UBE2R2: variants seen among roughly 807,000 people sequenced by gnomAD.
UBE2R2 encodes ubiquitin-conjugating enzyme E2 R2.
Under a neutral mutation model 27.8 loss-of-function variants are expected in UBE2R2, and 1 was observed. The ratio of observed to expected loss-of-function variants is 0.04; its 90% CI spans 0.01 to 0.17. The LOEUF (loss-of-function observed/expected upper bound fraction) is 0.17. Ranked by LOEUF, UBE2R2 falls within the 10% of genes least tolerant of loss-of-function variation. The pLI is 1.00. For missense variants in UBE2R2, 100 were observed against 291.0 expected (o/e 0.34, Z 4.78); for synonymous variants, 106 against 113.3 (o/e 0.94, Z 0.41).
intron 1 of UBE2R2, among the ~76,000 whole-genome samples, chr9:33,876,921 A>G (rs1255937950): frequency 6.6e-6 from 1 of 150,536 alleles, no homozygotes; most frequent in Admixed American, 7.0e-5. Context: ...CTAAAAAACA[A>G]ATAAAATAAA....
At chr9:33,845,392 G>A (rs533678262) in intron 1 of UBE2R2, among the ~76,000 whole-genome samples, 15 of 151,598 alleles carry the variant, frequency 9.9e-5, no homozygotes, top group East Asian at 2.0e-4. Flanking sequence ...GACTACAGGC[G>A]CCCGCCACCA....
intron 1 of UBE2R2, among the ~76,000 whole-genome samples, chr9:33,884,229 T>TCC (rs1821802389): frequency 6.8e-6 from 1 of 146,304 alleles, no homozygotes; most frequent in African/African-American, 2.5e-5. Flanking sequence ...TCTCTCTCTC[T>TCC]CTCTCTTCCC....
At chr9:33,872,985 G>A (rs565231562) in intron 1 of UBE2R2, among the ~76,000 whole-genome samples, 16 of 151,826 alleles carry the variant, frequency 1.1e-4, no homozygotes, top group Non-Finnish European at 1.0e-4. Flanking sequence ...GAGCAGCCTG[G>A]CCAACATGGT....
At chr9:33,830,622 G>A (rs1172079470) in intron 1 of UBE2R2, among the ~76,000 whole-genome samples, 1 of 151,540 alleles carries the variant, frequency 6.6e-6, no homozygotes, top group East Asian at 2.0e-4. Flanking sequence ...ACAAAAATTA[G>A]CCTGTCGTGG....
At chr9:33,843,750 C>T (rs141442564) in intron 1 of UBE2R2, among the ~76,000 whole-genome samples, 4 of 152,186 alleles carry the variant, frequency 2.6e-5, no homozygotes, top group African/African-American at 9.7e-5. Context: ...GCTGGGATTA[C>T]AGGCGTGAGC....
At chr9:33,854,850 C>G (rs1235418397) in intron 1 of UBE2R2, among the ~76,000 whole-genome samples, 1 of 151,770 alleles carries the variant, frequency 6.6e-6, no homozygotes, top group African/African-American at 2.4e-5. Flanking sequence ...TCCTGGGTAG[C>G]TGGGACTACA....
At chr9:33,889,902 T>C (rs1452362751) in intron 2 of UBE2R2, among the ~76,000 whole-genome samples, 2 of 98,028 alleles carry the variant, frequency 2.0e-5, no homozygotes, top group African/African-American at 9.2e-5. Context: ...CAGGCTGGTC[T>C]CTAACTCCTG....
At position 33,843,169 on chromosome 9, in the gene UBE2R2, C is replaced by T. The variant is rs569201630; in HGVS notation, c.177+25235C>T. 1.3e-4 allele frequency among the ~76,000 whole-genome samples: 20 copies of T among 151,178 alleles called. 1 individual carries two copies. In the East Asian group the frequency reaches 3.9e-3, roughly 30 times the overall value. On this transcript the variant is annotated intron_variant, in intron 1 of 4. Transcript: ENST00000263228. ...GGTGAAGCGATTCTTCTGCCTCAGCCTCCCAAATAGCTGGGATTACAGACA... is the reference window on the plus strand; with the variant it reads ...GGTGAAGCGATTCTTCTGCCTCAGCTTCCCAAATAGCTGGGATTACAGACA...
At position 33,853,292 on chromosome 9, in the gene UBE2R2, T is replaced by C. The variant is rs113734420; in HGVS notation, c.178-33589T>C. ...CTGGCTTTACCTTTTCTCTCTCTTT[T>C]TTTTTTTTTTTTTTGAGATGGAGTT... On this transcript the variant is annotated intron_variant, in intron 1 of 4. Coordinates refer to ENST00000263228, the MANE Select transcript of UBE2R2 (RefSeq NM_017811.4). Among the ~76,000 whole-genome samples the C allele has an allele frequency of 3.2e-4, 48 of 148,360 alleles. No individual in the cohort carries two copies. The East Asian group carries it at 8.6e-3, about 26-fold the overall frequency.
rs1043511305 is a variant in UBE2R2, at chr9:33,875,362, CT to C, written c.178-11515del. 1.7e-4 allele frequency among the ~76,000 whole-genome samples: 26 copies of C among 152,196 alleles called. 1 individual carries two copies. Among genetic ancestry groups the C allele is most frequent in the African/African-American group, 5.5e-4 (23 of 41,522 alleles). ...TCTAATATATTGAACTTTATTTTCC[CT>C]TTTACTTCTTGTGGAAAATACTTTA... On this transcript the variant is annotated intron_variant, in intron 1 of 4. Coordinates refer to ENST00000263228, the MANE Select transcript of UBE2R2 (RefSeq NM_017811.4).
intron 1 of UBE2R2, among the ~76,000 whole-genome samples, chr9:33,837,671 T>C (rs1438322935): frequency 6.6e-6 from 1 of 151,884 alleles, no homozygotes; most frequent in Non-Finnish European, 1.5e-5. Context: ...TTGATCTACC[T>C]GCCTTAGCCT....
intron 1 of UBE2R2, among the ~76,000 whole-genome samples, chr9:33,863,343 C>G (rs1462673400): frequency 6.6e-6 from 1 of 151,662 alleles, no homozygotes; most frequent in Non-Finnish European, 1.5e-5. Context: ...GAAACCCCAT[C>G]TCTACTAAAA....
intron 1 of UBE2R2, among the ~76,000 whole-genome samples, chr9:33,843,985 G>T (rs12685063): frequency 0.2 from 30,012 of 151,970 alleles, 3,239 homozygotes; most frequent in South Asian, 0.33. Context: ...GATTTCCAAG[G>T]CCATTTAGTA....
chr9:33,825,244 C>CTTT lies in UBE2R2; in HGVS notation c.177+7327_177+7329dup, dbSNP rs71506138. The stretch of plus-strand genomic sequence containing the variant: ...AAGAATGATCTTCATAAAAGCAAAG[C>CTTT]TTTTTTTTTTTTTTTTTTTGAGACA... On this transcript the variant is annotated intron_variant, in intron 1 of 4. Coordinates refer to ENST00000263228, the MANE Select transcript of UBE2R2 (RefSeq NM_017811.4). Among the ~76,000 whole-genome samples the CTTT allele has an allele frequency of 1.4e-3, 171 of 119,598 alleles. 6 individuals carry two copies. The highest frequency in any genetic ancestry group is 4.8e-3 in the African/African-American group (143 of 29,822). The allele number at this position is 119,598 out of a possible 152,430, so 78.5% of individuals were successfully genotyped here.
chr9:33,837,661 T>C (rs889241532), intron 1 of UBE2R2, among the ~76,000 whole-genome samples: 1 of 151,810 alleles, frequency 6.6e-6, no homozygotes, highest in Non-Finnish European at 1.5e-5. Flanking sequence ...CTGAGCTCAA[T>C]TGATCTACCT....
intron 1 of UBE2R2, 41 bp from the exon 2 acceptor site, chr9:33,886,840 T>G (rs1466681261): frequency 8.0e-6 from 12 of 1,498,168 alleles, no homozygotes; most frequent in Non-Finnish European, 9.0e-6. Flanking sequence ...ATGAATAAGT[T>G]ATAGTCTCAT....
intron 1 of UBE2R2, among the ~76,000 whole-genome samples, chr9:33,879,028 G>A (rs1453953733): frequency 6.6e-6 from 1 of 152,152 alleles, no homozygotes; most frequent in Non-Finnish European, 1.5e-5. Context: ...GATTGCTTGA[G>A]CCCAGAAGTT....
intron 4 of UBE2R2, among the ~76,000 whole-genome samples, chr9:33,914,698 C>T (rs528696973): frequency 2.0e-5 from 3 of 152,148 alleles, no homozygotes; most frequent in Non-Finnish European, 4.4e-5. Context: ...CATAGTGGCA[C>T]ACACCTGTAA....
chr9:33,903,278 C>A, intron 3 of UBE2R2, among the ~76,000 whole-genome samples: 1 of 152,026 alleles, frequency 6.6e-6, no homozygotes, highest in East Asian at 1.9e-4. Context: ...CCAAAAAAAT[C>A]CCCAGTTGTA....
Sources: allele counts gnomAD v4.1 joint callset (sites outside exome capture counted in the v4.1 genomes callset), GRCh38; gene constraint gnomAD v4.1.1; transcripts MANE v1.5; gene names NCBI Gene and HGNC (gene_info 2026-07-23, HGNC 2026-07-21).